PCDHA1: variants seen among roughly 807,000 people sequenced by gnomAD.
PCDHA1 encodes the protein protocadherin alpha 1.
PCDHA1 carries 42 observed loss-of-function variants against 61.3 expected under a neutral mutation model. That is an observed-to-expected ratio of 0.69 (90% CI 0.54 to 0.89). The LOEUF (loss-of-function observed/expected upper bound fraction) is 0.89, where lower values mean the gene tolerates loss of function less well. Ranked by LOEUF, PCDHA1 falls within the 40% of genes least tolerant of loss-of-function variation. The pLI is 0.00. For missense variants in PCDHA1, 1,256 were observed against 1,235.3 expected, an observed-to-expected ratio of 1.02 and a Z score of -0.25; for synonymous variants, 610 against 553.8, an observed-to-expected ratio of 1.10 and a Z score of -1.43.
At chr5:140,929,400 A>G (rs915139377) in intron 1 of PCDHA1, 5 of 1,509,110 alleles carry the variant, frequency 3.3e-6, no homozygotes, top group African/African-American at 2.8e-5. Flanking sequence ...TATTTCTTAG[A>G]CAAGCCTTTC....
chr5:140,927,748 G>A lies in PCDHA1; in HGVS notation c.2395-51201G>A, dbSNP rs782605586. Reference sequence around the variant, plus strand: ...AGCAGAGCTGCGACACCGCTTTCACGTGCACCCTAAAAGTGGGGAGGTGCA... The same window carrying A: ...AGCAGAGCTGCGACACCGCTTTCACATGCACCCTAAAAGTGGGGAGGTGCA... On this transcript the variant is annotated intron_variant, in intron 1 of 3. Transcript: ENST00000504120. 53 of 1,614,088 alleles carry A rather than the reference G, an allele frequency of 3.3e-5. No homozygotes were observed. The South Asian group carries it at 5.7e-4, about 17-fold the overall frequency.
chr5:140,877,146 GA>G (rs781877505), intron 1 of PCDHA1: 8 of 1,613,700 alleles, frequency 5.0e-6, no homozygotes, highest in Admixed American at 3.3e-5. Context: ...TGCTGGACGA[GA>G]ACGACAACGC....
At chr5:140,806,264 T>G (rs782002938) in intron 1 of PCDHA1, among the ~76,000 whole-genome samples, 2 of 152,112 alleles carry the variant, frequency 1.3e-5, no homozygotes, top group Non-Finnish European at 2.9e-5. Context: ...AAGCAGGAAA[T>G]ATTCAGTTTG....
At chr5:140,959,373 CA>C (rs1243465116) in intron 1 of PCDHA1, among the ~76,000 whole-genome samples, 26 of 145,126 alleles carry the variant, frequency 1.8e-4, no homozygotes, top group South Asian at 2.2e-4. Flanking sequence ...GACCCTGTCT[CA>C]AAAAAAAAAG....
chr5:140,851,937 T>A, intron 1 of PCDHA1: 1 of 965,138 alleles, frequency 1.0e-6, no homozygotes, highest in Non-Finnish European at 1.3e-6. Context: ...TGAATTGTAG[T>A]ATGTGACTTT....
chr5:140,849,354 C>T (rs2150435747), intron 1 of PCDHA1: 1 of 1,448,176 alleles, frequency 6.9e-7, no homozygotes, highest in Admixed American at 2.0e-5. Flanking sequence ...TGATGTTTCT[C>T]CAGATATAAA....
At chr5:140,949,691 T>C (rs2094413493) in intron 1 of PCDHA1, among the ~76,000 whole-genome samples, 1 of 151,872 alleles carries the variant, frequency 6.6e-6, no homozygotes, top group Non-Finnish European at 1.5e-5. Context: ...AAGCGTATTG[T>C]TGGATCTTGC....
intron 1 of PCDHA1, among the ~76,000 whole-genome samples, chr5:140,886,732 A>C (rs1457707116): frequency 3.9e-5 from 6 of 151,952 alleles, no homozygotes; most frequent in Non-Finnish European, 8.8e-5. Flanking sequence ...AGGCTGAAGC[A>C]AGAGAATTGC....
intron 1 of PCDHA1, chr5:140,858,606 T>A: frequency 8.0e-7 from 1 of 1,257,634 alleles, no homozygotes; most frequent in Non-Finnish European, 1.1e-6. Flanking sequence ...GTTTTAAAAT[T>A]TTTTTATCCT....
At chr5:140,929,057 C>T (rs17844370) in intron 1 of PCDHA1, 1 of 1,614,070 alleles carries the variant, frequency 6.2e-7, no homozygotes, top group Non-Finnish European at 8.5e-7. Flanking sequence ...TGTCGCTCTA[C>T]AGAGGATCTG....
rs2150104534 is a variant in PCDHA1, at chr5:140,819,537, T to A, written c.2394+30853T>A. Among the ~76,000 whole-genome samples, 9 of 152,268 alleles carry A rather than the reference T, an allele frequency of 5.9e-5. No individual in the cohort carries two copies. In the East Asian group the frequency reaches 1.5e-3, roughly 26 times the overall value. ...TTAACTGGATCAGTCAAGAAAATAA[T>A]CTGTAACATTTGATTGAAGAAAATA... On this transcript the variant is annotated intron_variant, in intron 1 of 3. Coordinates refer to ENST00000504120, the MANE Select transcript of PCDHA1 (RefSeq NM_018900.4).
At chr5:141,007,804 A>G (rs966389410) in intron 3 of PCDHA1, among the ~76,000 whole-genome samples, 1 of 152,204 alleles carries the variant, frequency 6.6e-6, no homozygotes, top group Non-Finnish European at 1.5e-5. Context: ...TTTATCTGCC[A>G]TTCATTTGCC....
intron 1 of PCDHA1, chr5:140,876,123 C>T (rs782271666): frequency 6.2e-7 from 1 of 1,613,906 alleles, no homozygotes; most frequent in East Asian, 2.2e-5. Flanking sequence ...TAATCGATGG[C>T]GGTAAACCAG....
intron 1 of PCDHA1, chr5:140,859,716 A>T (rs2045984140): frequency 1.3e-5 from 2 of 154,266 alleles, no homozygotes. Flanking sequence ...CACCAAAAAA[A>T]AATTGTGGCA....
chr5:140,945,387 T>C (rs1249675973), intron 1 of PCDHA1, among the ~76,000 whole-genome samples: 1 of 152,102 alleles, frequency 6.6e-6, no homozygotes, highest in Non-Finnish European at 1.5e-5. Flanking sequence ...CAAAGCAATA[T>C]ACAAATTCAA....
At chr5:140,955,065 T>C (rs1258214145) in intron 1 of PCDHA1, among the ~76,000 whole-genome samples, 8 of 152,214 alleles carry the variant, frequency 5.3e-5, no homozygotes, top group Admixed American at 3.3e-4. Context: ...GTCAGGTTTG[T>C]TGAAGATCAG....
intron 1 of PCDHA1, among the ~76,000 whole-genome samples, chr5:140,934,422 A>G (rs2089824417): frequency 1.3e-5 from 2 of 152,176 alleles, no homozygotes; most frequent in South Asian, 2.1e-4. Flanking sequence ...TGCATTATCA[A>G]TGCAAGTGTA....
intron 1 of PCDHA1, chr5:140,866,442 T>C (rs2049360062): frequency 6.6e-6 from 1 of 151,872 alleles, no homozygotes; most frequent in Non-Finnish European, 1.5e-5. Flanking sequence ...TCTTCTTCAG[T>C]CTTATTGTTG....
chr5:140,993,462 TCACACACACACACACACACACACA>T (rs3836747), intron 3 of PCDHA1, among the ~76,000 whole-genome samples: 3 of 140,938 alleles, frequency 2.1e-5, no homozygotes, highest in African/African-American at 5.3e-5. Flanking sequence ...TCTTTCTTTC[TCACACACACACACACACACACACA>T]CACACACACA....
Sources: allele counts gnomAD v4.1 joint callset (sites outside exome capture counted in the v4.1 genomes callset), GRCh38; gene constraint gnomAD v4.1.1; transcripts MANE v1.5; gene names NCBI Gene and HGNC (gene_info 2026-07-23, HGNC 2026-07-21).